EFHD1: variants seen among roughly 807,000 people sequenced by gnomAD.
EFHD1 encodes EF-hand domain-containing protein D1.
A neutral mutation model predicts 17.2 loss-of-function variants in EFHD1; 10 were observed. That is an observed-to-expected ratio of 0.58 (90% CI 0.36 to 0.99). The LOEUF is 0.99. EFHD1 is among the 50% of genes least tolerant of loss of function. The pLI, the probability that EFHD1 is intolerant of heterozygous loss-of-function variation, is 0.01. For synonymous variants in EFHD1, 153 were observed against 142.0 expected (o/e 1.08, Z -0.55); for missense variants, 310 against 327.5 (o/e 0.95, Z 0.41).
At chr2:232,623,366 A>C (rs1694051490) in intron 1 of EFHD1, among the ~76,000 whole-genome samples, 1 of 152,100 alleles carries the variant, frequency 6.6e-6, no homozygotes, top group African/African-American at 2.4e-5. Context: ...TCAATTCAAA[A>C]TTACAAATGA....
chr2:232,623,419 A>T (rs1242220814), intron 1 of EFHD1, among the ~76,000 whole-genome samples: 1 of 152,070 alleles, frequency 6.6e-6, no homozygotes, highest in African/African-American at 2.4e-5. Flanking sequence ...CATGCCTGTA[A>T]TCCTAGCACT....
chr2:232,634,969 G>C, intron 1 of EFHD1, among the ~76,000 whole-genome samples: 1 of 131,604 alleles, frequency 7.6e-6, no homozygotes, highest in East Asian at 1.9e-4. Context: ...TCCGCGTGGA[G>C]GTTCTATTTA....
rs138926483 is a variant in EFHD1 at position 232,672,371 on chromosome 2, G to T, written c.513G>T (p.Ala171=). ...TGCAGGAGGACAGTGGGCTGATGGCGCTGGCAAAGCTTTCTGAGATCGATG... is the reference window on the plus strand; with the variant it reads ...TGCAGGAGGACAGTGGGCTGATGGCTCTGGCAAAGCTTTCTGAGATCGATG... ...GELQEDSGLM[A]LAKLSEIDVA... is the part of the protein sequence containing the mutation. The change falls in exon 3 of 4, where the codon GCG becomes GCT. Residue 171 remains alanine (A), a synonymous_variant. Coordinates refer to ENST00000264059, the MANE Select transcript of EFHD1 (RefSeq NM_025202.4). 3.5e-5 allele frequency: 56 copies of T among 1,614,000 alleles called. No individual in the cohort carries two copies. Among genetic ancestry groups the T allele is most frequent in the Non-Finnish European group, 4.2e-5 (50 of 1,180,010 alleles).
At chr2:232,644,599 G>A (rs1694492975) in intron 1 of EFHD1, among the ~76,000 whole-genome samples, 1 of 151,264 alleles carries the variant, frequency 6.6e-6, no homozygotes, top group Non-Finnish European at 1.5e-5. Context: ...TGCAACCTCC[G>A]CCTCCCGGGT....
At chr2:232,631,708 A>AAAAC (rs1553597045), upstream of EFHD1, among the ~76,000 whole-genome samples, 61 of 136,312 alleles carry the variant, frequency 4.5e-4, no homozygotes, top group African/African-American at 1.9e-3. Flanking sequence ...AAAAAAAAAC[A>AAAAC]AAAACAAAAC....
chr2:232,665,690 G>A (rs1258862795), intron 2 of EFHD1, among the ~76,000 whole-genome samples: 1 of 152,192 alleles, frequency 6.6e-6, no homozygotes, highest in Admixed American at 6.5e-5. Flanking sequence ...CCAAAGTGCT[G>A]GGAATATAGG....
intron 1 of EFHD1, among the ~76,000 whole-genome samples, chr2:232,647,221 G>A (rs1336309789): frequency 6.6e-6 from 1 of 152,266 alleles, no homozygotes; most frequent in Non-Finnish European, 1.5e-5. Flanking sequence ...TTAAGGTGGT[G>A]TGGGCCTGGA....
chr2:232,627,642 C>G (rs1694130698), intron 1 of EFHD1, among the ~76,000 whole-genome samples: 1 of 152,096 alleles, frequency 6.6e-6, no homozygotes, highest in African/African-American at 2.4e-5. Flanking sequence ...GATGTGATAT[C>G]TAACTATCTT....
chr2:232,620,928 A>G (rs1308771850), intron 1 of EFHD1, among the ~76,000 whole-genome samples: 3 of 152,082 alleles, frequency 2.0e-5, no homozygotes, highest in African/African-American at 7.2e-5. Context: ...GCTTAGGAAT[A>G]TAGGAGGAAT....
intron 1 of EFHD1, among the ~76,000 whole-genome samples, chr2:232,610,122 C>T (rs949317365): frequency 1.3e-5 from 2 of 152,222 alleles, no homozygotes; most frequent in African/African-American, 2.4e-5. Flanking sequence ...CTCCAAAGCC[C>T]GAGTTGGGGA....
rs1373750201 is a variant in EFHD1, at chr2:232,645,557, C to T, written c.302+11551C>T. Among the ~76,000 whole-genome samples, 9 of 152,322 alleles carry T rather than the reference C, an allele frequency of 5.9e-5. 1 individual carries two copies. The Middle Eastern group carries it at 0.014, about 230-fold the overall frequency. ...GTTGCAGCCTTGGAGAAATGCTGGC[C>T]TCCGATGCTGTCCTGTTTGGCTTTG... On this transcript the variant is annotated intron_variant, in intron 1 of 3. Transcript: ENST00000264059.
At chr2:232,663,877 T>G (rs4973554) in intron 2 of EFHD1, among the ~76,000 whole-genome samples, 26,091 of 151,896 alleles carry the variant, frequency 0.17, 2,633 homozygotes, top group Middle Eastern at 0.29. Flanking sequence ...ACTGCAGCCT[T>G]GACCTTCTAG....
intron 1 of EFHD1, chr2:232,611,885 A>G (rs1354210472): frequency 1.3e-5 from 2 of 152,268 alleles, no homozygotes; most frequent in Admixed American, 6.5e-5. Context: ...GCCAGCACCC[A>G]GTGTGGAAAA....
intron 2 of EFHD1, among the ~76,000 whole-genome samples, chr2:232,665,435 TTTTTGAGACAGAGTCTCACTCTG>T (rs1208205044): frequency 6.6e-6 from 1 of 152,168 alleles, no homozygotes; most frequent in Non-Finnish European, 1.5e-5. Flanking sequence ...AACTTTTTTT[TTTTTGAGACAGAGTCTCACTCTG>T]TTGCCCAGAC....
chr2:232,680,984 T>G (rs1187590705), intron 3 of EFHD1, among the ~76,000 whole-genome samples: 1 of 151,364 alleles, frequency 6.6e-6, no homozygotes, highest in African/African-American at 2.4e-5. Flanking sequence ...CTCCAGCCTG[T>G]AAATTTTGTA....
intron 1 of EFHD1, among the ~76,000 whole-genome samples, chr2:232,621,892 G>A (rs13428084): frequency 6.6e-6 from 1 of 152,208 alleles, no homozygotes. Flanking sequence ...GCCCATGACA[G>A]AGGGCTCCTG....
intron 1 of EFHD1, among the ~76,000 whole-genome samples, chr2:232,619,952 C>T (rs1228803474): frequency 6.6e-6 from 1 of 152,068 alleles, no homozygotes; most frequent in Non-Finnish European, 1.5e-5. Context: ...TGCACAGGCT[C>T]CAGGGGTATG....
intron 1 of EFHD1, among the ~76,000 whole-genome samples, chr2:232,622,857 C>T (rs2106187396): frequency 6.6e-6 from 1 of 152,100 alleles, no homozygotes; most frequent in African/African-American, 2.4e-5. Flanking sequence ...CATTACAAAG[C>T]CTTGGCATGA....
chr2:232,642,373 C>CA (rs764647177), intron 1 of EFHD1, among the ~76,000 whole-genome samples: 13,751 of 68,498 alleles, frequency 0.2, 1,423 homozygotes, highest in Non-Finnish European at 0.22. Flanking sequence ...GACTCTGTCT[C>CA]AAAAAAAAAA....
Sources: allele counts gnomAD v4.1 joint callset (sites outside exome capture counted in the v4.1 genomes callset), GRCh38; gene constraint gnomAD v4.1.1; transcripts MANE v1.5; gene names NCBI Gene and HGNC (gene_info 2026-07-23, HGNC 2026-07-21).